MACROD2: variants seen among roughly 807,000 people sequenced by gnomAD.
The protein encoded by MACROD2 is mono-ADP ribosylhydrolase 2, also known as ADP-ribose glycohydrolase MACROD2.
MACROD2 carries 36 observed loss-of-function variants against 70.4 expected under a neutral mutation model. The observed-to-expected ratio is 0.51, with a 90% CI of 0.39 to 0.68. MACROD2 has a LOEUF of 0.68. Ranked by LOEUF, MACROD2 falls within the 30% of genes least tolerant of loss-of-function variation. The pLI is 0.00. For missense variants in MACROD2, 496 were observed against 538.4 expected, an observed-to-expected ratio of 0.92 and a Z score of 0.78; for synonymous variants, 172 against 178.8, an observed-to-expected ratio of 0.96 and a Z score of 0.30.
chr20:15,303,206 A>G (rs1433367397), intron 6 of MACROD2, among the ~76,000 whole-genome samples: 1 of 152,108 alleles, frequency 6.6e-6, no homozygotes, highest in East Asian at 1.9e-4. Flanking sequence ...TCAATTTTAC[A>G]GTCTCTATTC....
chr20:14,748,464 A>G (rs189036674), intron 5 of MACROD2, among the ~76,000 whole-genome samples: 1 of 152,218 alleles, frequency 6.6e-6, no homozygotes, highest in Admixed American at 6.5e-5. Flanking sequence ...AATATTTGTC[A>G]CGAACTATCA....
At chr20:16,003,921 G>A (rs2066750727) in intron 15 of MACROD2, among the ~76,000 whole-genome samples, 2 of 152,084 alleles carry the variant, frequency 1.3e-5, no homozygotes, top group South Asian at 4.1e-4. Flanking sequence ...TGCCCGCCTC[G>A]GCCTCCAAAA....
chr20:15,972,998 G>T (rs1372933131), intron 13 of MACROD2, among the ~76,000 whole-genome samples: 3 of 151,848 alleles, frequency 2.0e-5, no homozygotes, highest in African/African-American at 7.3e-5. Flanking sequence ...ATTTAGAAAG[G>T]CTTGTTTAGG....
intron 5 of MACROD2, among the ~76,000 whole-genome samples, chr20:14,960,809 C>T (rs353148): frequency 0.047 from 7,213 of 152,160 alleles, 344 homozygotes; most frequent in African/African-American, 0.12. Flanking sequence ...ACACTATCCA[C>T]ACACTTTTTT....
At chr20:15,531,297 A>G (rs1355856339) in intron 8 of MACROD2, among the ~76,000 whole-genome samples, 2 of 150,534 alleles carry the variant, frequency 1.3e-5, no homozygotes, top group African/African-American at 2.4e-5. Context: ...ATTTTTACAA[A>G]ATATGATTTA....
chr20:14,627,674 T>C (rs1206625464), intron 4 of MACROD2, among the ~76,000 whole-genome samples: 1 of 152,238 alleles, frequency 6.6e-6, no homozygotes, highest in Non-Finnish European at 1.5e-5. Flanking sequence ...TAATATGTTT[T>C]CTGAATTAGT....
chr20:16,048,899 AAC>A (rs2067419995), intron 17 of MACROD2, among the ~76,000 whole-genome samples: 1 of 152,212 alleles, frequency 6.6e-6, no homozygotes, highest in South Asian at 2.1e-4. Context: ...AACTTGACAC[AAC>A]ACAAATGTCT....
chr20:16,048,378 A>G (rs2067412811), intron 17 of MACROD2, among the ~76,000 whole-genome samples: 1 of 152,210 alleles, frequency 6.6e-6, no homozygotes. Flanking sequence ...ACACTAAATA[A>G]TTAACGACAA....
intron 6 of MACROD2, among the ~76,000 whole-genome samples, chr20:15,422,029 G>A (rs1295631754): frequency 6.6e-6 from 1 of 152,208 alleles, no homozygotes; most frequent in African/African-American, 2.4e-5. Context: ...AAGGTCAGTG[G>A]CCCTGGAGTA....
At chr20:15,603,919 G>C (rs769093971) in intron 8 of MACROD2, among the ~76,000 whole-genome samples, 1 of 152,184 alleles carries the variant, frequency 6.6e-6, no homozygotes, top group Non-Finnish European at 1.5e-5. Flanking sequence ...TTCTGGAATT[G>C]AACTTTGGAA....
chr20:15,404,208 G>A (rs1399807409), intron 6 of MACROD2, among the ~76,000 whole-genome samples: 1 of 152,102 alleles, frequency 6.6e-6, no homozygotes, highest in Non-Finnish European at 1.5e-5. Flanking sequence ...ACTGAGTAGG[G>A]ACATCTTGAT....
intron 6 of MACROD2, among the ~76,000 whole-genome samples, chr20:15,328,541 C>T (rs897494468): frequency 3.9e-5 from 6 of 152,002 alleles, no homozygotes; most frequent in Non-Finnish European, 7.4e-5. Flanking sequence ...TAGAATTGTC[C>T]CCATAAATAT....
intron 5 of MACROD2, among the ~76,000 whole-genome samples, chr20:15,048,991 T>C (rs1054998686): frequency 1.3e-5 from 2 of 152,182 alleles, no homozygotes; most frequent in African/African-American, 4.8e-5. Context: ...GTGCATTATA[T>C]ACTTTTTCAA....
At chr20:15,574,910 A>G (rs1311084945) in intron 8 of MACROD2, among the ~76,000 whole-genome samples, 1 of 152,094 alleles carries the variant, frequency 6.6e-6, no homozygotes, top group Non-Finnish European at 1.5e-5. Flanking sequence ...CTCAGCTGTT[A>G]TTTATTTTAT....
intron 5 of MACROD2, among the ~76,000 whole-genome samples, chr20:15,165,098 G>A (rs2076374586): frequency 6.6e-6 from 1 of 151,990 alleles, no homozygotes; most frequent in Non-Finnish European, 1.5e-5. Context: ...ATATATAATA[G>A]GAGTGAAAAT....
At chr20:14,290,156 G>A (rs1427077865) in intron 3 of MACROD2, among the ~76,000 whole-genome samples, 3 of 152,202 alleles carry the variant, frequency 2.0e-5, no homozygotes, top group East Asian at 3.9e-4. Flanking sequence ...AAAAAGAGAA[G>A]GCAATGATTT....
At chr20:15,168,441 ATGTGTGTGTGTGTGTGTGTG>A (rs56188346) in intron 5 of MACROD2, among the ~76,000 whole-genome samples, 16 of 134,724 alleles carry the variant, frequency 1.2e-4, no homozygotes, top group East Asian at 8.9e-4. Flanking sequence ...ACATTGTGGG[ATGTGTGTGTGTGTGTGTGTG>A]TGTGTGTGTG....
chr20:14,709,018 A>T (rs1224301191), intron 5 of MACROD2, among the ~76,000 whole-genome samples: 1 of 152,066 alleles, frequency 6.6e-6, no homozygotes, highest in Non-Finnish European at 1.5e-5. Flanking sequence ...GGTTGATGTG[A>T]GCAGTCTTCT....
At chr20:14,295,567 G>A (rs544279767) in intron 3 of MACROD2, among the ~76,000 whole-genome samples, 1 of 151,846 alleles carries the variant, frequency 6.6e-6, no homozygotes, top group East Asian at 1.9e-4. Context: ...GGACTGTGTG[G>A]GGGGGCTGGG....
Sources: allele counts gnomAD v4.1 joint callset (sites outside exome capture counted in the v4.1 genomes callset), GRCh38; gene constraint gnomAD v4.1.1; transcripts MANE v1.5; gene names NCBI Gene and HGNC (gene_info 2026-07-23, HGNC 2026-07-21).